SPAST: variants seen among roughly 807,000 people sequenced by gnomAD.
SPAST encodes the protein spastic paraplegia 4 (autosomal dominant; spastin).
In SPAST, 30 loss-of-function variants were observed where a neutral mutation model predicts 76.6. That is an observed-to-expected ratio of 0.39 (90% CI 0.29 to 0.53). The LOEUF (loss-of-function observed/expected upper bound fraction) is 0.53. Ranked by LOEUF, SPAST falls within the 20% of genes least tolerant of loss-of-function variation. The pLI, the probability that SPAST is intolerant of heterozygous loss-of-function variation, is 0.68. For missense variants in SPAST, 717 were observed against 770.5 expected (o/e 0.93, Z 0.82); for synonymous variants, 305 against 281.0 (o/e 1.09, Z -0.86).
intron 13 of SPAST, among the ~76,000 whole-genome samples, chr2:32,143,050 G>C (rs1298336653): frequency 2.6e-5 from 4 of 151,980 alleles, no homozygotes; most frequent in Admixed American, 2.0e-4. Context: ...AGGATCGCTT[G>C]AGCCAGGAAT....
chr2:32,068,893 CAAAAAA>C (rs550306120), intron 1 of SPAST, among the ~76,000 whole-genome samples: 1 of 104,128 alleles, frequency 9.6e-6, no homozygotes, highest in African/African-American at 3.6e-5. Context: ...GAGACTCCAT[CAAAAAA>C]AAAAAAAAAG....
intron 1 of SPAST, among the ~76,000 whole-genome samples, chr2:32,075,480 CAAA>C (rs70938316): frequency 1.0e-5 from 1 of 96,594 alleles, no homozygotes; most frequent in Non-Finnish European, 2.0e-5. Flanking sequence ...ATTGTGATGA[CAAA>C]AAAAAAAAAA....
rs549253297 is a variant in SPAST, at chr2:32,091,702, C to T, written c.586+2097C>T. 6.7e-4 allele frequency among the ~76,000 whole-genome samples: 102 copies of T among 151,850 alleles called. No individual in the cohort carries two copies. The Middle Eastern group carries it at 0.01, about 15-fold the overall frequency. ...ACAAAAAACTAGCCAGGTGTGGTGG[C>T]GGGCACCTGTAGTCCCAGCTACTTG... On this transcript the variant is annotated intron_variant, in intron 3 of 16. Transcript: ENST00000315285.
At chr2:32,133,365 C>T (rs1679433339) in intron 9 of SPAST, among the ~76,000 whole-genome samples, 1 of 152,138 alleles carries the variant, frequency 6.6e-6, no homozygotes, top group Non-Finnish European at 1.5e-5. Context: ...TAAATTGTTA[C>T]CTGTGGCCCT....
At chr2:32,120,857 G>A (rs930105902) in intron 7 of SPAST, among the ~76,000 whole-genome samples, 2 of 152,044 alleles carry the variant, frequency 1.3e-5, no homozygotes, top group African/African-American at 4.8e-5. Flanking sequence ...CTGTAGTTTT[G>A]AAAATATCTT....
chr2:32,096,950 G>C (rs1299357519), intron 3 of SPAST, among the ~76,000 whole-genome samples: 2 of 151,894 alleles, frequency 1.3e-5, no homozygotes, highest in East Asian at 3.9e-4. Context: ...GCAGTACTTT[G>C]TGTTTTGTGC....
intron 2 of SPAST, among the ~76,000 whole-genome samples, chr2:32,089,298 G>C (rs1677617794): frequency 6.8e-6 from 1 of 148,008 alleles, no homozygotes; most frequent in Admixed American, 7.0e-5. Flanking sequence ...TGTCTGCCCA[G>C]AGTGCTGGGA....
chr2:32,101,568 G>A (rs529673208), intron 4 of SPAST, among the ~76,000 whole-genome samples: 2 of 152,272 alleles, frequency 1.3e-5, no homozygotes, highest in African/African-American at 4.8e-5. Context: ...GTCCTGAATG[G>A]TATTGCCTAG....
At chr2:32,100,068 G>T (rs1329484006) in intron 4 of SPAST, among the ~76,000 whole-genome samples, 2 of 152,082 alleles carry the variant, frequency 1.3e-5, no homozygotes, top group African/African-American at 4.8e-5. Flanking sequence ...TCTGTTTGTA[G>T]TTTTTGAGGA....
In SPAST at chr2:32,121,167, G is replaced by C. The variant is rs892105185; in HGVS notation, c.1098+4955G>C. Reference sequence around the variant, plus strand: ...TTCTTTCTTTTTTTAGGTGGGGGCAGGGGGGAAGGAGTCTCACTCTTCTCA... The same window carrying C: ...TTCTTTCTTTTTTTAGGTGGGGGCACGGGGGAAGGAGTCTCACTCTTCTCA... On this transcript the variant is annotated intron_variant, in intron 7 of 16. Transcript: ENST00000315285. Among the ~76,000 whole-genome samples, 4 of 151,982 alleles carry C rather than the reference G, an allele frequency of 2.6e-5. 1 individual carries two copies. Among genetic ancestry groups the C allele is most frequent in the Admixed American group, 2.6e-4 (4 of 15,244 alleles).
intron 1 of SPAST, among the ~76,000 whole-genome samples, chr2:32,077,566 A>G (rs934563906): frequency 9.8e-5 from 15 of 152,296 alleles, no homozygotes; most frequent in Non-Finnish European, 2.9e-5. Context: ...ACGCCCAGAC[A>G]GATTAACTGA....
At chr2:32,083,760 A>ATTTTTT in intron 1 of SPAST, among the ~76,000 whole-genome samples, 1 of 42,838 alleles carries the variant, frequency 2.3e-5, no homozygotes, top group South Asian at 9.0e-4. Flanking sequence ...CTATATATAT[A>ATTTTTT]TATATATATA....
rs1161137156 is a variant in SPAST at position 32,100,972 on chromosome 2, A to G, written c.682+2081A>G. On this transcript the variant is annotated intron_variant, in intron 4 of 16. Coordinates refer to ENST00000315285, the MANE Select transcript of SPAST (RefSeq NM_014946.4). ...ATGATTTATAATCCTTTGGGTATAT[A>G]CCCAGTAATGGGATGGCTGGGTCAA... Among the ~76,000 whole-genome samples the G allele has an allele frequency of 6.6e-5, 10 of 152,350 alleles. No homozygotes were observed. The East Asian group carries it at 1.9e-3, about 29-fold the overall frequency.
chr2:32,102,807 C>T (rs1678177453), intron 4 of SPAST, among the ~76,000 whole-genome samples: 1 of 152,074 alleles, frequency 6.6e-6, no homozygotes, highest in South Asian at 2.1e-4. Context: ...GCCTTGCATC[C>T]CAGGGATGAA....
rs1558348944 is a variant in SPAST at position 32,156,040 on chromosome 2, G to GGTTTTTTT, written c.*1544_*1545insGTTTTTTT. The GGTTTTTTT allele has an allele frequency of 6.8e-6, 1 of 146,594 alleles. No homozygotes were observed. The allele number at this position is 146,594 out of a possible 1,614,324, so 9.1% of individuals were successfully genotyped here. A position where few individuals can be genotyped will look rare whatever the true frequency, so the allele number is the denominator to read the frequency against. ...AATATAGAAGATGCATGATTTCTGG[G>GGTTTTTTT]TTTTTTTTTTTTTTTGAGACAGAGT... On this transcript the variant is annotated 3_prime_UTR_variant, in exon 17 of 17. Coordinates refer to ENST00000315285, the MANE Select transcript of SPAST (RefSeq NM_014946.4).
At position 32,137,094 on chromosome 2, in the gene SPAST, A is replaced by AT. The variant is rs774923316; in HGVS notation, c.1414-9dup. On this transcript the variant is annotated splice_polypyrimidine_tract_variant and intron_variant, in intron 11 of 16. Transcript: ENST00000315285. Reference sequence around the variant, plus strand: ...ACTTTTCTAAATGAATTGAAAAAAGATTTTTTGCTTGTAGGTACAGTCTGC... The same window carrying AT: ...ACTTTTCTAAATGAATTGAAAAAAGATTTTTTTGCTTGTAGGTACAGTCTGC... 5.0e-6 allele frequency: 8 copies of AT among 1,610,950 alleles called. No homozygotes were observed. Among genetic ancestry groups the AT allele is most frequent in the Non-Finnish European group, 6.8e-6 (8 of 1,177,324 alleles).
At chr2:32,104,211 C>T (rs1244484379) in intron 4 of SPAST, among the ~76,000 whole-genome samples, 1 of 152,102 alleles carries the variant, frequency 6.6e-6, no homozygotes, top group Non-Finnish European at 1.5e-5. Flanking sequence ...ATATGATGGC[C>T]TTCTTTGTCT....
intron 7 of SPAST, among the ~76,000 whole-genome samples, chr2:32,121,535 CTTTT>C (rs34519148): frequency 9.7e-6 from 1 of 102,740 alleles, no homozygotes; most frequent in Non-Finnish European, 1.9e-5. Context: ...ATCTTTCTCA[CTTTT>C]TTTTTTTTTT....
At chr2:32,106,529 G>C (rs1678328168) in intron 4 of SPAST, among the ~76,000 whole-genome samples, 1 of 152,206 alleles carries the variant, frequency 6.6e-6, no homozygotes, top group Admixed American at 6.5e-5. Flanking sequence ...GCTGTCTTCT[G>C]TGTCGCTCAC....
Sources: allele counts gnomAD v4.1 joint callset (sites outside exome capture counted in the v4.1 genomes callset), GRCh38; gene constraint gnomAD v4.1.1; transcripts MANE v1.5; gene names NCBI Gene and HGNC (gene_info 2026-07-23, HGNC 2026-07-21).